ITGB1: variants seen among roughly 807,000 people sequenced by gnomAD.
ITGB1 encodes the protein integrin subunit beta 1, also known as integrin beta-1.
A neutral mutation model predicts 86.5 loss-of-function variants in ITGB1; 24 were observed. The ratio of observed to expected loss-of-function variants is 0.28; its 90% confidence interval spans 0.20 to 0.39. The LOEUF (loss-of-function observed/expected upper bound fraction) is 0.39, where lower values mean the gene tolerates loss of function less well. Ranked by LOEUF, ITGB1 falls within the 10% of genes least tolerant of loss-of-function variation. ITGB1 has a pLI of 1.00. For synonymous variants in ITGB1, 323 were observed against 316.8 expected (o/e 1.02, Z -0.21); for missense variants, 556 against 946.9 (o/e 0.59, Z 5.42).
At chr10:32,905,336 T>C (rs573658073) in intron 15 of ITGB1, among the ~76,000 whole-genome samples, 15 of 152,320 alleles carry the variant, frequency 9.8e-5, no homozygotes, top group African/African-American at 3.4e-4. Context: ...AGGCTCTTAT[T>C]CATGATCAGT....
chr10:32,927,624 C>G (rs1317409663), intron 5 of ITGB1, among the ~76,000 whole-genome samples: 1 of 152,134 alleles, frequency 6.6e-6, no homozygotes, highest in Non-Finnish European at 1.5e-5. Flanking sequence ...AAACCCCCAT[C>G]TCTACTAAAA....
chr10:32,923,347 G>C (rs1429733466), intron 7 of ITGB1, among the ~76,000 whole-genome samples: 1 of 152,152 alleles, frequency 6.6e-6, no homozygotes, highest in Non-Finnish European at 1.5e-5. Flanking sequence ...AGTGGCATCT[G>C]GGCATCCCTT....
intron 11 of ITGB1, among the ~76,000 whole-genome samples, chr10:32,917,181 A>G (rs2094934502): frequency 6.6e-6 from 1 of 152,234 alleles, no homozygotes; most frequent in African/African-American, 2.4e-5. Context: ...CACCTTATAC[A>G]AAAATTAATT....
intron 15 of ITGB1, chr10:32,907,269 A>G (rs899338951): frequency 6.4e-6 from 2 of 313,538 alleles, no homozygotes; most frequent in Non-Finnish European, 1.2e-5. Context: ...TAAAAAATTG[A>G]TAATTTTTAA....
At chr10:32,916,537 TA>T (rs2094932145) in intron 11 of ITGB1, among the ~76,000 whole-genome samples, 2 of 152,270 alleles carry the variant, frequency 1.3e-5, no homozygotes, top group Admixed American at 6.5e-5. Context: ...GGCATTCCTG[TA>T]CACCAATAAC....
intron 15 of ITGB1, among the ~76,000 whole-genome samples, chr10:32,907,932 C>T (rs759876671): frequency 6.6e-6 from 1 of 152,104 alleles, no homozygotes; most frequent in Non-Finnish European, 1.5e-5. Context: ...ATGTCCTGGC[C>T]GACGAGCTGC....
At chr10:32,928,975 G>C (rs1003494528) in intron 4 of ITGB1, among the ~76,000 whole-genome samples, 2 of 152,024 alleles carry the variant, frequency 1.3e-5, no homozygotes, top group Non-Finnish European at 2.9e-5. Flanking sequence ...TGGAGAAATG[G>C]GTTTGGAGCT....
At chr10:32,956,984 A>T (rs372691336) in intron 1 of ITGB1, among the ~76,000 whole-genome samples, 1 of 152,108 alleles carries the variant, frequency 6.6e-6, no homozygotes, top group East Asian at 1.9e-4. Context: ...CTTCTCCAGG[A>T]GCTCCTGATG....
In ITGB1 at chr10:32,908,400, C is replaced by G; in HGVS notation, c.2299G>C (p.Glu767Gln). ...IHDRREFAKF[E>Q]KEKMNAKWDT... ...CATTTGGCATTCATTTTCTCCTTTT[C>G]AAATTTAGCAAACTCCCTTCTGTCA... Residue 767 changes from glutamate to glutamine, a missense_variant, in exon 15 of 16, where the codon GAA becomes CAA. By Grantham distance (29) the Glu-to-Gln change is conservative (BLOSUM62 2). Transcript: ENST00000302278. 1 of 1,613,984 alleles carries G rather than the reference C, an allele frequency of 6.2e-7. No homozygotes were observed. The highest frequency in any genetic ancestry group is 8.5e-7 in the Non-Finnish European group (1 of 1,179,916).
Position 32,908,501 on chromosome 10 carries a change from A to G in ITGB1, c.2198T>C (p.Val733Ala), listed in dbSNP as rs756060620. ...AACAATTCCAGCAACCACACCAGCTACAATTGGAATGATGTCTGGACCAGT... is the reference window on the plus strand; with the variant it reads ...AACAATTCCAGCAACCACACCAGCTGCAATTGGAATGATGTCTGGACCAGT... The part of the protein sequence containing the change: ...CPTGPDIIPI[V>A]AGVVAGIVLI... The change falls in exon 15 of 16, where the codon GTA becomes GCA. Residue 733 changes from valine to alanine, a missense_variant. Val to Ala is a moderately conservative substitution (Grantham distance 64). Around this residue, in one of 4 missense-constraint regions of ITGB1, gnomAD observed 330 missense variants for 531.5 expected, o/e 0.62. Transcript: ENST00000302278. The G allele has an allele frequency of 6.2e-7, 1 of 1,613,582 alleles. No homozygotes were observed. Among genetic ancestry groups the G allele is most frequent in the Admixed American group, 1.7e-5 (1 of 60,012 alleles).
intron 2 of ITGB1, among the ~76,000 whole-genome samples, chr10:32,935,059 A>G (rs1019473790): frequency 2.6e-5 from 4 of 152,210 alleles, no homozygotes; most frequent in African/African-American, 9.6e-5. Context: ...GCTTTCCTAG[A>G]TGATGCCAAC....
intron 1 of ITGB1, among the ~76,000 whole-genome samples, chr10:32,941,972 G>A (rs1242688846): frequency 6.6e-6 from 1 of 152,192 alleles, no homozygotes; most frequent in African/African-American, 2.4e-5. Context: ...ATGGATCTCA[G>A]GAGATAAGTC....
chr10:32,928,063 T>C (rs758309330), intron 5 of ITGB1, 31 bp downstream of exon 5: 1 of 1,309,784 alleles, frequency 7.6e-7, no homozygotes, highest in Non-Finnish European at 1.1e-6. Context: ...GACTTTATAA[T>C]GAAAATGGTC....
intron 11 of ITGB1, among the ~76,000 whole-genome samples, chr10:32,914,517 A>T (rs925391240): frequency 1.1e-4 from 17 of 152,330 alleles, no homozygotes; most frequent in African/African-American, 3.6e-4. Flanking sequence ...TTGCAAACCT[A>T]GTCTCTGAAA....
intron 4 of ITGB1, among the ~76,000 whole-genome samples, chr10:32,929,250 G>A (rs1298438567): frequency 1.3e-5 from 2 of 151,944 alleles, no homozygotes; most frequent in African/African-American, 4.8e-5. Flanking sequence ...GGCTGAAGGC[G>A]ATGGTGGAGC....
chr10:32,908,626 G>GCA, intron 14 of ITGB1, 92 bp from the exon 15 acceptor site: 2 of 1,033,830 alleles, frequency 1.9e-6, no homozygotes, highest in Non-Finnish European at 2.8e-6. Context: ...GAGAGTGAAC[G>GCA]CACACTATCC....
chr10:32,937,979 G>A (rs540993483), intron 1 of ITGB1, among the ~76,000 whole-genome samples: 3 of 152,284 alleles, frequency 2.0e-5, no homozygotes, highest in South Asian at 2.1e-4. Flanking sequence ...CTGAGCACCC[G>A]AGAGAAAAGA....
At chr10:32,938,914 C>T (rs1433190118) in intron 1 of ITGB1, among the ~76,000 whole-genome samples, 2 of 152,130 alleles carry the variant, frequency 1.3e-5, no homozygotes, top group Non-Finnish European at 2.9e-5. Context: ...CACAGAGACC[C>T]GGACAGGAAA....
At chr10:32,935,113 A>T (rs2094997040) in intron 2 of ITGB1, among the ~76,000 whole-genome samples, 1 of 152,232 alleles carries the variant, frequency 6.6e-6, no homozygotes, top group Non-Finnish European at 1.5e-5. Context: ...TGTCTTCTAG[A>T]AAGTCTTTGC....
Sources: gnomAD v4.1 joint callset for allele counts (sites outside exome capture counted in the v4.1 genomes callset) on GRCh38, gnomAD v4.1.1 for gene constraint, gnomAD v4.1.1 regional missense constraint, MANE v1.5 for transcripts, NCBI Gene and HGNC (gene_info 2026-07-23, HGNC 2026-07-21) for gene names.